Variants in HIVEP3 observed in about 807,000 individuals in gnomAD.
HIVEP3 encodes the protein transcription factor HIVEP3.
HIVEP3 carries 49 observed loss-of-function variants against 152.8 expected under a neutral mutation model. The observed-to-expected ratio is 0.32, with a 90% CI of 0.26 to 0.41. The LOEUF (loss-of-function observed/expected upper bound fraction) is 0.41, where lower values mean the gene tolerates loss of function less well. Ranked by LOEUF, HIVEP3 falls within the 10% of genes least tolerant of loss-of-function variation. HIVEP3 has a pLI of 1.00. For synonymous variants in HIVEP3, 1,269 were observed against 1,289.0 expected (o/e 0.98, Z 0.33); for missense variants, 2,790 against 3,103.3 (o/e 0.90, Z 2.40).
At chr1:41,954,425 G>GA (rs1021216322) in intron 1 of HIVEP3, among the ~76,000 whole-genome samples, 7 of 152,180 alleles carry the variant, frequency 4.6e-5, no homozygotes, top group African/African-American at 1.4e-4. Context: ...AACCTTTGCA[G>GA]AAAAAAACAC....
chr1:41,816,489 C>A (rs1651273608), intron 1 of HIVEP3, among the ~76,000 whole-genome samples: 1 of 152,074 alleles, frequency 6.6e-6, no homozygotes, highest in Non-Finnish European at 1.5e-5. Flanking sequence ...GAGTTTGAGA[C>A]CAGCCTGGCC....
intron 1 of HIVEP3, among the ~76,000 whole-genome samples, chr1:41,915,535 G>C (rs1644858078): frequency 6.6e-6 from 1 of 152,208 alleles, no homozygotes; most frequent in African/African-American, 2.4e-5. Context: ...GCAGAGGCCT[G>C]AAAGAGGGTA....
chr1:41,836,785 C>A (rs994948403), intron 1 of HIVEP3, among the ~76,000 whole-genome samples: 18 of 152,216 alleles, frequency 1.2e-4, no homozygotes, highest in African/African-American at 4.3e-4. Flanking sequence ...ATGTCTAAAC[C>A]CCTAGTGAGT....
intron 1 of HIVEP3, among the ~76,000 whole-genome samples, chr1:41,724,581 A>T (rs1253860158): frequency 6.6e-6 from 1 of 152,190 alleles, no homozygotes; most frequent in Non-Finnish European, 1.5e-5. Flanking sequence ...GCTCTTTGGG[A>T]CATATGATGG....
chr1:41,739,343 A>T (rs1470655138), intron 1 of HIVEP3, among the ~76,000 whole-genome samples: 1 of 152,152 alleles, frequency 6.6e-6, no homozygotes, highest in East Asian at 1.9e-4. Context: ...GAGTGAGGTC[A>T]GAGGGTCGGT....
intron 1 of HIVEP3, among the ~76,000 whole-genome samples, chr1:41,832,376 A>T (rs349425): frequency 0.42 from 63,856 of 151,854 alleles, 14,107 homozygotes; most frequent in East Asian, 0.8. Flanking sequence ...AAAATTTTTT[A>T]AAAAATTAGC....
chr1:41,577,525 T>C (rs181272647), intron 4 of HIVEP3, among the ~76,000 whole-genome samples: 1 of 152,182 alleles, frequency 6.6e-6, no homozygotes. Context: ...GGAAAGAATG[T>C]GGCTACAAAG....
chr1:41,855,160 A>G (rs1570674802), intron 1 of HIVEP3, among the ~76,000 whole-genome samples: 1 of 145,954 alleles, frequency 6.9e-6, no homozygotes, highest in East Asian at 2.0e-4. Context: ...AAGTGTTCCT[A>G]TTTCTCCGCA....
At chr1:41,887,264 T>C (rs1644362479) in intron 1 of HIVEP3, among the ~76,000 whole-genome samples, 1 of 152,166 alleles carries the variant, frequency 6.6e-6, no homozygotes. Flanking sequence ...TTTTCTGGAT[T>C]TTATAAAGTT....
At chr1:41,921,063 A>T (rs193178484), upstream of HIVEP3, among the ~76,000 whole-genome samples, 5 of 152,328 alleles carry the variant, frequency 3.3e-5, no homozygotes, top group Admixed American at 3.3e-4. Context: ...ATCTATCCAT[A>T]TGATGTGTCA....
chr1:41,666,203 C>T (rs1570264889), intron 2 of HIVEP3, among the ~76,000 whole-genome samples: 1 of 152,252 alleles, frequency 6.6e-6, no homozygotes, highest in African/African-American at 2.4e-5. Flanking sequence ...ACCTGTTGCA[C>T]ACATGAAGCT....
intron 1 of HIVEP3, chr1:41,864,560 G>C (rs1643934668): frequency 1.3e-5 from 2 of 152,024 alleles, no homozygotes; most frequent in Admixed American, 1.3e-4. Flanking sequence ...ACATGTGTAA[G>C]TAGACCACCT....
chr1:41,860,809 C>T (rs912252805), intron 1 of HIVEP3, among the ~76,000 whole-genome samples: 15 of 152,182 alleles, frequency 9.9e-5, no homozygotes, highest in Non-Finnish European at 1.5e-4. Flanking sequence ...ACTCCACTAA[C>T]GAAGAAGTCA....
chr1:41,818,624 A>G (rs181659415), intron 1 of HIVEP3, among the ~76,000 whole-genome samples: 14 of 152,284 alleles, frequency 9.2e-5, no homozygotes, highest in African/African-American at 3.4e-4. Flanking sequence ...CTGAAAGTAC[A>G]AGGTTGTGGG....
chr1:41,587,207 G>T (rs1265072793), intron 3 of HIVEP3, among the ~76,000 whole-genome samples: 1 of 152,146 alleles, frequency 6.6e-6, no homozygotes, highest in Non-Finnish European at 1.5e-5. Context: ...TCTGGTCATT[G>T]AATACAGTGA....
intron 1 of HIVEP3, among the ~76,000 whole-genome samples, chr1:42,006,331 C>T (rs1267420934): frequency 6.6e-6 from 1 of 152,112 alleles, no homozygotes; most frequent in Non-Finnish European, 1.5e-5. Context: ...ACCCTGCTAA[C>T]TGCAAAGCAC....
intron 2 of HIVEP3, among the ~76,000 whole-genome samples, chr1:41,636,549 T>C (rs190154581): frequency 8.5e-5 from 13 of 152,188 alleles, no homozygotes; most frequent in African/African-American, 3.1e-4. Context: ...TGGATAAAAA[T>C]ATTTGCAACA....
At chr1:41,751,190 T>C (rs528359942) in intron 1 of HIVEP3, among the ~76,000 whole-genome samples, 1 of 152,226 alleles carries the variant, frequency 6.6e-6, no homozygotes, top group South Asian at 2.1e-4. Flanking sequence ...GCCCAGCCCA[T>C]AGAACTGCTC....
intron 1 of HIVEP3, among the ~76,000 whole-genome samples, chr1:41,778,697 C>G (rs2124278321): frequency 6.6e-6 from 1 of 152,202 alleles, no homozygotes; most frequent in Admixed American, 6.5e-5. Flanking sequence ...GAGAAAATCC[C>G]AGGGAGTAAA....
Sources: allele counts gnomAD v4.1 joint callset (sites outside exome capture counted in the v4.1 genomes callset), GRCh38; gene constraint gnomAD v4.1.1; transcripts MANE v1.5; gene names NCBI Gene and HGNC (gene_info 2026-07-23, HGNC 2026-07-21).